The following HS3ST3A1 variants were observed in gnomAD, a reference collection of about 807,000 sequenced individuals.
HS3ST3A1 encodes heparan sulfate-glucosamine 3-sulfotransferase 3A1, also known as heparan sulfate glucosamine 3-O-sulfotransferase 3A1.
In HS3ST3A1, 19 loss-of-function variants were observed where a neutral mutation model predicts 25.7. That is an observed-to-expected ratio of 0.74 (90% confidence interval 0.52 to 1.08). The LOEUF (loss-of-function observed/expected upper bound fraction) is 1.08. HS3ST3A1 is among the 50% of genes least tolerant of loss of function. HS3ST3A1 has a pLI of 0.00. For synonymous variants in HS3ST3A1, 226 were observed against 278.6 expected, an observed-to-expected ratio of 0.81 and a Z score of 1.88; for missense variants, 459 against 594.3, an observed-to-expected ratio of 0.77 and a Z score of 2.37.
intron 1 of HS3ST3A1, among the ~76,000 whole-genome samples, chr17:13,572,384 G>A (rs905447065): frequency 2.0e-5 from 3 of 152,076 alleles, no homozygotes; most frequent in Admixed American, 2.0e-4. Context: ...GGGGGTGACC[G>A]CTCGGACCAC....
intron 1 of HS3ST3A1, among the ~76,000 whole-genome samples, chr17:13,512,316 A>C (rs1567610924): frequency 2.0e-5 from 3 of 150,956 alleles, no homozygotes; most frequent in Non-Finnish European, 1.5e-5. Flanking sequence ...AAAAAAAAAA[A>C]AAAAAAAAAA....
intron 1 of HS3ST3A1, among the ~76,000 whole-genome samples, chr17:13,512,387 A>G (rs916685692): frequency 1.2e-4 from 18 of 151,810 alleles, no homozygotes; most frequent in African/African-American, 4.4e-4. Flanking sequence ...GACAGAAAGC[A>G]GATTAGTTGT....
At position 13,601,150 on chromosome 17, in the gene HS3ST3A1, G is replaced by A; in HGVS notation, c.-21C>T. On this transcript the variant is annotated 5_prime_UTR_variant, in exon 1 of 2. Coordinates refer to ENST00000284110, the MANE Select transcript of HS3ST3A1 (RefSeq NM_006042.3). ...GCCATCCTAGCCGGAGGCGACGTCG[G>A]GCAACGCGCCGGCCATGCTAGGCCT... 6.7e-7 allele frequency: 1 copy of A among 1,494,432 alleles called. No individual in the cohort carries two copies. Among genetic ancestry groups the A allele is most frequent in the Non-Finnish European group, 8.9e-7 (1 of 1,124,304 alleles). The allele number at this position is 1,494,432 out of a possible 1,614,324, so 92.6% of individuals were successfully genotyped here.
chr17:13,522,584 C>G (rs73982024), intron 1 of HS3ST3A1, among the ~76,000 whole-genome samples: 9,923 of 152,144 alleles, frequency 0.065, 701 homozygotes, highest in African/African-American at 0.17. Flanking sequence ...CTTGCCATCT[C>G]TGGGCTTATT....
intron 1 of HS3ST3A1, among the ~76,000 whole-genome samples, chr17:13,548,210 G>T (rs748132917): frequency 1.1e-4 from 17 of 152,150 alleles, no homozygotes; most frequent in Non-Finnish European, 2.9e-5. Context: ...CAGTTCTGGA[G>T]GCTGGGAGGT....
chr17:13,502,037 A>G (rs1420807749), intron 1 of HS3ST3A1, among the ~76,000 whole-genome samples: 1 of 152,098 alleles, frequency 6.6e-6, no homozygotes, highest in Non-Finnish European at 1.5e-5. Context: ...GCCAGGAAGG[A>G]AACTGCTTGG....
chr17:13,514,256 A>G (rs1475307204), intron 1 of HS3ST3A1, among the ~76,000 whole-genome samples: 1 of 151,770 alleles, frequency 6.6e-6, no homozygotes, highest in Non-Finnish European at 1.5e-5. Context: ...AGTGGTTTTT[A>G]AAAAATAGTT....
intron 1 of HS3ST3A1, among the ~76,000 whole-genome samples, chr17:13,557,455 TAAC>T (rs59906516): frequency 0.31 from 46,413 of 151,434 alleles, 9,219 homozygotes; most frequent in African/African-American, 0.57. Context: ...AGAAGATTTG[TAAC>T]AACAACAACA....
chr17:13,584,153 G>A (rs1908186057), intron 1 of HS3ST3A1, among the ~76,000 whole-genome samples: 1 of 152,108 alleles, frequency 6.6e-6, no homozygotes, highest in African/African-American at 2.4e-5. Flanking sequence ...AAAACCATAA[G>A]GTATTTAAAT....
intron 1 of HS3ST3A1, among the ~76,000 whole-genome samples, chr17:13,566,989 C>A (rs558760155): frequency 6.6e-6 from 1 of 152,256 alleles, no homozygotes; most frequent in East Asian, 1.9e-4. Flanking sequence ...ATGTAGACAA[C>A]GTGGAAGATA....
At chr17:13,548,622 G>C (rs1452869223) in intron 1 of HS3ST3A1, among the ~76,000 whole-genome samples, 1 of 152,166 alleles carries the variant, frequency 6.6e-6, no homozygotes, top group Non-Finnish European at 1.5e-5. Context: ...AGGTGAAGCT[G>C]ACTGGGCTTC....
At chr17:13,594,353 C>G (rs923390195) in intron 1 of HS3ST3A1, among the ~76,000 whole-genome samples, 1 of 152,202 alleles carries the variant, frequency 6.6e-6, no homozygotes, top group African/African-American at 2.4e-5. Flanking sequence ...ACTGCAGGCG[C>G]AGAAACGCCT....
At chr17:13,537,364 A>G (rs1906801385) in intron 1 of HS3ST3A1, among the ~76,000 whole-genome samples, 1 of 152,224 alleles carries the variant, frequency 6.6e-6, no homozygotes, top group Non-Finnish European at 1.5e-5. Context: ...ATCATCTAAG[A>G]ACAACAATCT....
chr17:13,496,952 A>G, intron 1 of HS3ST3A1, 134 bp from the exon 2 acceptor site: 2 of 1,193,248 alleles, frequency 1.7e-6, no homozygotes, highest in Non-Finnish European at 2.3e-6. Flanking sequence ...TCTGATGGTG[A>G]CGTCGCACAA....
At chr17:13,576,057 T>C (rs1428983668) in intron 1 of HS3ST3A1, among the ~76,000 whole-genome samples, 1 of 152,230 alleles carries the variant, frequency 6.6e-6, no homozygotes, top group Non-Finnish European at 1.5e-5. Flanking sequence ...GAACTTGAGT[T>C]TTAATCAGCT....
intron 1 of HS3ST3A1, among the ~76,000 whole-genome samples, chr17:13,587,300 A>G (rs1908302319): frequency 6.6e-6 from 1 of 152,026 alleles, no homozygotes; most frequent in South Asian, 2.1e-4. Context: ...CTAAAAATAC[A>G]AAAATTAGCT....
intron 1 of HS3ST3A1, 74 bp downstream of exon 1, chr17:13,600,457 G>T: frequency 6.9e-7 from 1 of 1,453,900 alleles, no homozygotes; most frequent in Non-Finnish European, 9.0e-7. Context: ...GGGGGTCACC[G>T]AGGGCTCCTC....
intron 1 of HS3ST3A1, among the ~76,000 whole-genome samples, chr17:13,528,594 G>T (rs1906510286): frequency 3.3e-5 from 5 of 152,266 alleles, no homozygotes; most frequent in Admixed American, 2.0e-4. Flanking sequence ...CTTGTACAGA[G>T]TTCCCTCTCT....
chr17:13,565,145 AATT>A (rs78995908), intron 1 of HS3ST3A1, among the ~76,000 whole-genome samples: 81,254 of 151,664 alleles, frequency 0.54, 22,307 homozygotes, highest in Non-Finnish European at 0.6. Flanking sequence ...CCAGTTTAGA[AATT>A]ATTATTTCAG....
Sources: allele counts gnomAD v4.1 joint callset (sites outside exome capture counted in the v4.1 genomes callset), GRCh38; gene constraint gnomAD v4.1.1; transcripts MANE v1.5; gene names NCBI Gene and HGNC (gene_info 2026-07-23, HGNC 2026-07-21).